AK7: variants seen among roughly 807,000 people sequenced by gnomAD.
The protein encoded by AK7 is ATP-AMP transphosphorylase 7.
In AK7, 78 loss-of-function variants were observed where a neutral mutation model predicts 96.6. The observed-to-expected ratio is 0.81, with a 90% CI of 0.67 to 0.97. The LOEUF (loss-of-function observed/expected upper bound fraction) is 0.97. Ranked by LOEUF, AK7 falls within the 50% of genes least tolerant of loss-of-function variation. The pLI is 0.00. For synonymous variants in AK7, 302 were observed against 317.2 expected (o/e 0.95, Z 0.51); for missense variants, 855 against 887.9 (o/e 0.96, Z 0.47).
chr14:96,469,868 A>T (rs1295851325), intron 12 of AK7, among the ~76,000 whole-genome samples: 1 of 152,048 alleles, frequency 6.6e-6, no homozygotes, highest in Non-Finnish European at 1.5e-5. Flanking sequence ...CCCAGGCTAG[A>T]GTGCAATGGT....
In AK7 at chr14:96,458,325, A is replaced by G. The variant is rs958033944; in HGVS notation, c.1357+113A>G. 9 of 1,381,920 alleles carry G rather than the reference A, an allele frequency of 6.5e-6. No individual in the cohort carries two copies. In the African/African-American group the frequency reaches 7.2e-5, roughly 11 times the overall value. 85.6% of individuals were successfully genotyped at this position (1,381,920 alleles called of 1,614,324 possible). A position where few individuals can be genotyped will look rare whatever the true frequency, so the allele number is the denominator to read the frequency against. ...AAAGACTGAACTACAGGCGGGCGCC[A>G]TGGCTCATGCCTGTAATCCCAGCAC... On this transcript the variant is annotated intron_variant, in intron 12 of 17. Transcript: ENST00000267584.
chr14:96,422,918 A>G (rs945821554), intron 5 of AK7, among the ~76,000 whole-genome samples: 1 of 152,182 alleles, frequency 6.6e-6, no homozygotes. Context: ...AATTATGATG[A>G]TGATGATTTT....
At position 96,483,046 on chromosome 14, in the gene AK7, C is replaced by G; in HGVS notation, c.1801C>G (p.Leu601Val). The change falls in exon 16 of 18, where the codon CTC (leucine) becomes GTC (valine). Residue 601 changes from leucine (L) to valine (V), a missense_variant. Physicochemically the swap from Leu to Val is conservative, Grantham distance 32. Coordinates refer to ENST00000267584, the MANE Select transcript of AK7 (RefSeq NM_152327.5). ...TCAGAATAGACTTGCTATCAAACAG[C>G]TCATCAAAGAGATTGGGGAGCCTCG... ...DAQNRLAIKQ[L>V]IKEIGEPRNY... 6.2e-7 allele frequency: 1 copy of G among 1,614,176 alleles called. No homozygotes were observed. Among genetic ancestry groups the G allele is most frequent in the Non-Finnish European group, 8.5e-7 (1 of 1,180,036 alleles).
intron 12 of AK7, among the ~76,000 whole-genome samples, chr14:96,464,544 CAAAAAAAAAA>C (rs375649324): frequency 5.2e-5 from 3 of 57,662 alleles, no homozygotes; most frequent in Non-Finnish European, 8.7e-5. Context: ...GACCCTGTCC[CAAAAAAAAAA>C]AAAAAAAAAA....
chr14:96,461,906 G>T (rs541633937), intron 12 of AK7, among the ~76,000 whole-genome samples: 1 of 152,280 alleles, frequency 6.6e-6, no homozygotes, highest in Admixed American at 6.5e-5. Flanking sequence ...TATTGACAAA[G>T]ACATATAATT....
chr14:96,410,381 A>T (rs76834048), intron 4 of AK7, among the ~76,000 whole-genome samples: 16,631 of 152,266 alleles, frequency 0.11, 1,027 homozygotes, highest in East Asian at 0.15. Context: ...TGATTGTCCC[A>T]ACCAAAGTAA....
intron 12 of AK7, among the ~76,000 whole-genome samples, chr14:96,464,373 C>T (rs932089645): frequency 6.6e-6 from 1 of 151,648 alleles, no homozygotes; most frequent in South Asian, 2.1e-4. Context: ...CATAGCAGGA[C>T]CCCACCTCTA....
At chr14:96,473,364 G>A (rs1895005058) in intron 14 of AK7, among the ~76,000 whole-genome samples, 3 of 151,414 alleles carry the variant, frequency 2.0e-5, no homozygotes, top group Admixed American at 1.3e-4. Context: ...GTAGAGACGG[G>A]GTTTCACCAT....
rs1890267133 is a variant in AK7 at position 96,399,297 on chromosome 14, T to C, written c.294+1034T>C. 1 of 152,266 alleles carries C rather than the reference T, an allele frequency of 6.6e-6. No individual in the cohort carries two copies. Among genetic ancestry groups the C allele is most frequent in the Non-Finnish European group, 1.5e-5 (1 of 68,074 alleles). The allele number at this position is 152,266 out of a possible 1,614,324, so 9.4% of individuals were successfully genotyped here. On this transcript the variant is annotated intron_variant, in intron 2 of 17. Transcript: ENST00000267584. This position sits in a 1 kb window ranked among gnomAD's most constrained non-coding sequence, Gnocchi z 4.1. The stretch of plus-strand genomic sequence containing the variant: ...AATAAACACTTGTGGAATGGACGAA[T>C]GCATCCCCTCCAGACATCTTTGGGA...
In AK7 at chr14:96,392,253, C is replaced by G. The variant is rs374682249; in HGVS notation, c.99C>G (p.Ile33Met). 6.2e-7 allele frequency: 1 copy of G among 1,611,922 alleles called. No homozygotes were observed. The highest frequency in any genetic ancestry group is 1.7e-5 in the Admixed American group (1 of 60,000). The part of the protein sequence containing the change: ...NLLDSYSSGN[I>M]GKFLSNCVVG... The stretch of plus-strand genomic sequence containing the variant: ...TGGATTCCTACAGCAGCGGAAACAT[C>G]GGGAAGGTGAGCGGCGGCGGCGGCC... The change falls in exon 1 of 18, where the codon ATC (isoleucine) becomes ATG (methionine). Residue 33 changes from isoleucine (I) to methionine (M), a missense_variant. Ile to Met is a conservative substitution (Grantham distance 10, BLOSUM62 1). Coordinates refer to ENST00000267584, the MANE Select transcript of AK7 (RefSeq NM_152327.5).
intron 4 of AK7, among the ~76,000 whole-genome samples, chr14:96,420,294 C>G (rs1404917945): frequency 6.6e-6 from 1 of 151,622 alleles, no homozygotes; most frequent in South Asian, 2.1e-4. Flanking sequence ...GTCAGGAGTT[C>G]CATACCAGCC....
rs542019381 is a variant in AK7, at chr14:96,409,369, T to G, written c.498+428T>G. ...GGTGGACCATCTGAGGTCAGGAGTT[T>G]GAGACCAGCCTGGCCAACATGGCGA... On this transcript the variant is annotated intron_variant, in intron 4 of 17. Transcript: ENST00000267584. 3.3e-5 allele frequency among the ~76,000 whole-genome samples: 5 copies of G among 152,244 alleles called. No individual in the cohort carries two copies. The South Asian group carries it at 8.3e-4, about 25-fold the overall frequency.
chr14:96,480,365 G>C (rs1306051389), intron 15 of AK7, among the ~76,000 whole-genome samples: 1 of 151,898 alleles, frequency 6.6e-6, no homozygotes, highest in Non-Finnish European at 1.5e-5. Context: ...CCAGGAGGCA[G>C]AGATTGCAGT....
intron 5 of AK7, among the ~76,000 whole-genome samples, chr14:96,424,614 A>G (rs1891917723): frequency 6.6e-6 from 1 of 152,194 alleles, no homozygotes; most frequent in Non-Finnish European, 1.5e-5. Context: ...GGATATTACC[A>G]TAGGAACTTC....
chr14:96,450,581 AAT>A lies in AK7; in HGVS notation c.948+704_948+705del, dbSNP rs78156245. Reference sequence around the variant, plus strand: ...AATTCCATCACAACAAAAAAAAAAAAATAGGGTTTTTTGCAGTGTGCTTTTCA... The same window carrying A: ...AATTCCATCACAACAAAAAAAAAAAAAGGGTTTTTTGCAGTGTGCTTTTCA... On this transcript the variant is annotated intron_variant, in intron 9 of 17. Coordinates refer to ENST00000267584, the MANE Select transcript of AK7 (RefSeq NM_152327.5). Among the ~76,000 whole-genome samples the A allele has an allele frequency of 4.1e-5, 6 of 145,750 alleles. 1 individual carries two copies. The highest frequency in any genetic ancestry group is 7.6e-5 in the Non-Finnish European group (5 of 65,578).
intron 2 of AK7, among the ~76,000 whole-genome samples, chr14:96,402,899 C>G (rs1240449543): frequency 6.6e-6 from 1 of 151,656 alleles, no homozygotes; most frequent in African/African-American, 2.4e-5. Context: ...GGAGGCCAAG[C>G]GGGCGGATCA....
At chr14:96,445,122 C>T (rs540930746) in intron 7 of AK7, among the ~76,000 whole-genome samples, 1 of 152,300 alleles carries the variant, frequency 6.6e-6, no homozygotes, top group South Asian at 2.1e-4. Flanking sequence ...TTCTGCAGCC[C>T]TTTCTGCCTA....
At chr14:96,454,498 G>A (rs1893780443) in intron 10 of AK7, among the ~76,000 whole-genome samples, 2 of 151,026 alleles carry the variant, frequency 1.3e-5, no homozygotes, top group South Asian at 4.2e-4. Context: ...TAAAAATTGA[G>A]ACAGGGTGTT....
intron 9 of AK7, among the ~76,000 whole-genome samples, chr14:96,450,465 T>G (rs567293730): frequency 6.6e-6 from 1 of 151,632 alleles, no homozygotes; most frequent in East Asian, 1.9e-4. Context: ...CAAAATGTAT[T>G]TGGAAGCTAT....
Sources: gnomAD v4.1 joint callset for allele counts (sites outside exome capture counted in the v4.1 genomes callset) on GRCh38, gnomAD v4.1.1 for gene constraint, Gnocchi (gnomAD v3.1) non-coding constraint, MANE v1.5 for transcripts, NCBI Gene and HGNC (gene_info 2026-07-23, HGNC 2026-07-21) for gene names.